The following SYNE2 variants were observed in gnomAD, a reference collection of about 807,000 sequenced individuals.
SYNE2 encodes the protein spectrin repeat containing nuclear envelope protein 2, also known as nesprin-2.
A neutral mutation model predicts 856.3 loss-of-function variants in SYNE2; 431 were observed. The observed-to-expected ratio is 0.50, with a 90% CI of 0.47 to 0.55. The LOEUF (loss-of-function observed/expected upper bound fraction) is 0.55, where lower values mean the gene tolerates loss of function less well. Among genes scored for constraint, SYNE2 ranks in the 20% least tolerant of loss-of-function variants. The pLI is 0.00. For missense variants in SYNE2, 8,129 were observed against 8,023.2 expected (o/e 1.01, Z -0.50); for synonymous variants, 2,923 against 2,872.3 (o/e 1.02, Z -0.56).
In SYNE2 at chr14:64,113,591, G is replaced by A. The variant is rs1278035111; in HGVS notation, c.12840+20G>A. 4 of 1,584,224 alleles carry A rather than the reference G, an allele frequency of 2.5e-6. No individual in the cohort carries two copies. Among genetic ancestry groups the A allele is most frequent in the Non-Finnish European group, 3.4e-6 (4 of 1,165,470 alleles). ...TGCCAGGTAAGACTGAGAAGTCAGA[G>A]TTCATGGTTTGCCTCTCCACCAATC... is the stretch of plus-strand genomic sequence containing the variant. On this transcript the variant is annotated intron_variant, in intron 66 of 115. Transcript: ENST00000555002.
chr14:63,909,645 C>T (rs2095449100), intron 2 of SYNE2, among the ~76,000 whole-genome samples: 1 of 152,144 alleles, frequency 6.6e-6, no homozygotes, highest in South Asian at 2.1e-4. Context: ...AGTTCGAGAC[C>T]AGCCTGACCA....
chr14:63,879,447 G>A (rs1186046234), intron 1 of SYNE2, among the ~76,000 whole-genome samples: 2 of 152,150 alleles, frequency 1.3e-5, no homozygotes, highest in Admixed American at 6.5e-5. Flanking sequence ...AGCCCACAAA[G>A]GGTCTCCATC....
intron 1 of SYNE2, among the ~76,000 whole-genome samples, chr14:63,819,761 C>T (rs1889143445): frequency 6.6e-6 from 1 of 152,006 alleles, no homozygotes; most frequent in Non-Finnish European, 1.5e-5. Flanking sequence ...TGGTCTCGAT[C>T]TCCTGACCTC....
At position 64,029,875 on chromosome 14, in the gene SYNE2, G is replaced by A. The variant is rs756850169; in HGVS notation, c.6715-20G>A. The A allele has an allele frequency of 3.7e-6, 6 of 1,609,940 alleles. No individual in the cohort carries two copies. Among genetic ancestry groups the A allele is most frequent in the South Asian group, 1.1e-5 (1 of 90,430 alleles). On this transcript the variant is annotated intron_variant, in intron 43 of 115. Transcript: ENST00000555002. Reference sequence around the variant, plus strand: ...ATCAGAGAGAAATAATTTGTAAATTGTCTGTGGCTTTATTTTTAGGATTCT... The same window carrying A: ...ATCAGAGAGAAATAATTTGTAAATTATCTGTGGCTTTATTTTTAGGATTCT...
chr14:64,217,404 G>A (rs2098671612), intron 108 of SYNE2, among the ~76,000 whole-genome samples: 1 of 152,186 alleles, frequency 6.6e-6, no homozygotes, highest in African/African-American at 2.4e-5. Context: ...TCCTGGGAGG[G>A]CAGCCTAGGG....
intron 6 of SYNE2, among the ~76,000 whole-genome samples, chr14:63,945,942 A>G (rs1437076545): frequency 6.6e-6 from 1 of 152,176 alleles, no homozygotes; most frequent in Non-Finnish European, 1.5e-5. Flanking sequence ...GTACCTAGGA[A>G]TGGAACTGAT....
At chr14:64,089,300 A>G (rs2097586688) in intron 58 of SYNE2, among the ~76,000 whole-genome samples, 1 of 130,100 alleles carries the variant, frequency 7.7e-6, no homozygotes, top group Non-Finnish European at 1.6e-5. Flanking sequence ...TGGGAGGCGG[A>G]GGTTACAGTG....
intron 1 of SYNE2, among the ~76,000 whole-genome samples, chr14:63,888,971 G>A (rs1480847578): frequency 2.0e-5 from 3 of 151,384 alleles, no homozygotes; most frequent in East Asian, 1.9e-4. Context: ...GGAGGCCGAG[G>A]TGGGTGGATT....
At chr14:63,964,141 C>G in intron 10 of SYNE2, 141 bp downstream of exon 10, 1 of 618,852 alleles carries the variant, frequency 1.6e-6, no homozygotes, top group Admixed American at 2.7e-5. Flanking sequence ...TAGGACTGTA[C>G]TTCCGAAACT....
intron 1 of SYNE2, among the ~76,000 whole-genome samples, chr14:63,818,411 G>C (rs943362559): frequency 6.6e-6 from 1 of 151,188 alleles, no homozygotes; most frequent in Non-Finnish European, 1.5e-5. Flanking sequence ...CCAGCTACTC[G>C]AGAGGCTGAG....
At chr14:64,182,544 C>T (rs2153740225) in intron 96 of SYNE2, among the ~76,000 whole-genome samples, 1 of 152,182 alleles carries the variant, frequency 6.6e-6, no homozygotes, top group African/African-American at 2.4e-5. Context: ...CGGCCTTCCT[C>T]AGTGTTTGTG....
chr14:63,983,226 T>C (rs2096600005), intron 17 of SYNE2, among the ~76,000 whole-genome samples: 1 of 152,248 alleles, frequency 6.6e-6, no homozygotes, highest in South Asian at 2.1e-4. Flanking sequence ...CGTTCTCTAG[T>C]TTATACACAT....
chr14:64,200,569 A>G (rs1300577767), intron 99 of SYNE2, among the ~76,000 whole-genome samples: 1 of 152,240 alleles, frequency 6.6e-6, no homozygotes, highest in Non-Finnish European at 1.5e-5. Flanking sequence ...GAATGAAGGC[A>G]GGATCTAGGT....
Position 64,132,256 on chromosome 14 carries a change from A to AATGG in SYNE2, c.14341-9_14341-8insATGG. ...CAAAGTAAATATTAAAACTTTCTCC[A>AATGG]TCTCATAGGTTTTTTTCCAGAAGCT... On this transcript the variant is annotated splice_polypyrimidine_tract_variant and intron_variant, in intron 76 of 115. Transcript: ENST00000555002. 1 of 1,612,810 alleles carries AATGG rather than the reference A, an allele frequency of 6.2e-7. No homozygotes were observed. The highest frequency in any genetic ancestry group is 8.5e-7 in the Non-Finnish European group (1 of 1,179,978).
chr14:63,999,154 G>T, intron 27 of SYNE2, 114 bp downstream of exon 27: 1 of 1,055,960 alleles, frequency 9.5e-7, no homozygotes, highest in Non-Finnish European at 1.4e-6. Context: ...TGTTTCCAAA[G>T]AACTCTCTTT....
chr14:64,158,768 C>G lies in SYNE2; in HGVS notation c.15936C>G (p.Thr5312=), dbSNP rs779155791. 6.2e-7 allele frequency: 1 copy of G among 1,613,820 alleles called. No individual in the cohort carries two copies. Residue 5312 remains threonine, a synonymous_variant, in exon 86 of 116, where the codon ACC becomes ACG. Transcript: ENST00000555002. The stretch of plus-strand genomic sequence containing the variant: ...AGCCTGTGGTGTTATCATTGGAGAC[C>G]TTGAGATGCCAGGTGGAGAACCTTC... ...HSKPVVLSLE[T]LRCQVENLQS... is the part of the protein sequence containing the mutation.
In SYNE2 at chr14:64,225,353, C is replaced by T. The variant is rs564532190; in HGVS notation, c.20551C>T (p.Leu6851Phe). ...CAGCACACGGCCACAGCGCTCCTTC[C>T]TCTCAAGGGTGGTCCGGGCAGCCCT... ...PGSTRPQRSF[L>F]SRVVRAALPL... is the part of the protein sequence containing the mutation. Residue 6851 changes from leucine (L) to phenylalanine (F), a missense_variant, in exon 116 of 116, where the codon CTC becomes TTC. Transcript: ENST00000555002. The T allele has an allele frequency of 4.3e-6, 7 of 1,614,182 alleles. No homozygotes were observed. Among genetic ancestry groups the T allele is most frequent in the Middle Eastern group, 1.6e-4 (1 of 6,062 alleles).
intron 1 of SYNE2, among the ~76,000 whole-genome samples, chr14:63,866,863 T>C (rs1296456885): frequency 6.6e-6 from 1 of 152,078 alleles, no homozygotes; most frequent in Non-Finnish European, 1.5e-5. Flanking sequence ...TTCCAGCTCC[T>C]CAGGAGACTG....
At chr14:64,113,011 C>T in intron 65 of SYNE2, 1 of 985,316 alleles carries the variant, frequency 1.0e-6, no homozygotes, top group Non-Finnish European at 1.2e-6. Flanking sequence ...TGGCCAATTC[C>T]CTTAAATGTT....
Sources: allele counts gnomAD v4.1 joint callset (sites outside exome capture counted in the v4.1 genomes callset), GRCh38; gene constraint gnomAD v4.1.1; transcripts MANE v1.5; gene names NCBI Gene and HGNC (gene_info 2026-07-23, HGNC 2026-07-21).